The following ADCY2 variants were observed in gnomAD, a reference collection of about 807,000 sequenced individuals.
The protein encoded by ADCY2 is adenylate cyclase type 2.
Under a neutral mutation model 125.2 loss-of-function variants are expected in ADCY2, and 31 were observed. The ratio of observed to expected loss-of-function variants is 0.25; its 90% CI spans 0.19 to 0.33. The LOEUF (loss-of-function observed/expected upper bound fraction) is 0.33, where lower values mean the gene tolerates loss of function less well. Among genes scored for constraint, ADCY2 ranks in the 10% least tolerant of loss-of-function variants. The probability of loss-of-function intolerance (pLI) is 1.00; values close to 1 mark genes in which losing one functional copy is unlikely to be tolerated. For missense variants in ADCY2, 904 were observed against 1,418.2 expected (o/e 0.64, Z 5.82); for synonymous variants, 512 against 548.4 (o/e 0.93, Z 0.93).
intron 2 of ADCY2, among the ~76,000 whole-genome samples, chr5:7,482,791 TACACACACACATAC>T (rs1742786414): frequency 4.3e-5 from 6 of 139,792 alleles, no homozygotes; most frequent in South Asian, 2.2e-4. Flanking sequence ...TATATATATA[TACACACACACATAC>T]ATATATACAT....
At chr5:7,504,973 G>A (rs1424653315) in intron 2 of ADCY2, among the ~76,000 whole-genome samples, 1 of 152,084 alleles carries the variant, frequency 6.6e-6, no homozygotes, top group African/African-American at 2.4e-5. Flanking sequence ...AGCCTCCCAG[G>A]CACAAGTGAT....
intron 2 of ADCY2, among the ~76,000 whole-genome samples, chr5:7,420,330 A>T (rs192649576): frequency 4.3e-4 from 65 of 152,200 alleles, no homozygotes; most frequent in Non-Finnish European, 6.9e-4. Context: ...ACGACTGAAG[A>T]GTGATGTTGG....
chr5:7,626,777 A>G (rs1039314007), intron 4 of ADCY2, among the ~76,000 whole-genome samples: 67 of 152,186 alleles, frequency 4.4e-4, no homozygotes, highest in Admixed American at 6.5e-5. Context: ...TGTGTCCATG[A>G]GGGATCCACC....
At position 7,424,164 on chromosome 5, in the gene ADCY2, C is replaced by T. The variant is rs117130427; in HGVS notation, c.408+9394C>T. Among the ~76,000 whole-genome samples, 14 of 152,338 alleles carry T rather than the reference C, an allele frequency of 9.2e-5. No individual in the cohort carries two copies. The East Asian group carries it at 2.3e-3, about 25-fold the overall frequency. ...CACCACACACGTAGTGATCACATCG[C>T]AAAAATTGTGGGAACAAATGAGTGT... On this transcript the variant is annotated intron_variant, in intron 2 of 24. Coordinates refer to ENST00000338316, the MANE Select transcript of ADCY2 (RefSeq NM_020546.3).
chr5:7,818,614 C>T (rs1160300792), intron 23 of ADCY2, among the ~76,000 whole-genome samples: 1 of 152,114 alleles, frequency 6.6e-6, no homozygotes, highest in Non-Finnish European at 1.5e-5. Context: ...CCAGGCTGGT[C>T]TCTCACTCCT....
chr5:7,522,141 A>C (rs1579532570), intron 3 of ADCY2, among the ~76,000 whole-genome samples: 1 of 152,176 alleles, frequency 6.6e-6, no homozygotes, highest in Non-Finnish European at 1.5e-5. Context: ...TGTTTATTTT[A>C]TAATATTTAA....
In ADCY2 at chr5:7,693,428, T is replaced by G. The variant is rs1740784189; in HGVS notation, c.870-2324T>G. Among the ~76,000 whole-genome samples the G allele has an allele frequency of 1.4e-5, 2 of 140,060 alleles. 1 individual carries two copies. The highest frequency in any genetic ancestry group is 5.1e-5 in the African/African-American group (2 of 38,860). The allele number at this position is 140,060 out of a possible 152,430, so 91.9% of individuals were successfully genotyped here. A position where few individuals can be genotyped will look rare whatever the true frequency, so the allele number is the denominator to read the frequency against. On this transcript the variant is annotated intron_variant, in intron 5 of 24. Transcript: ENST00000338316. ...GCTGTTTTTTGTTTTTTTTTTTTTT[T>G]TTTTTTTTGAGACGGAGTCTCACTC...
rs540481459 is a variant in ADCY2, at chr5:7,573,468, C to T, written c.570+52569C>T. ...ATGCATGGTTCTAGAAAGATAGACACGGGGAAAAGATGTGTATGTGACTAC... is the reference window on the plus strand; with the variant it reads ...ATGCATGGTTCTAGAAAGATAGACATGGGGAAAAGATGTGTATGTGACTAC... On this transcript the variant is annotated intron_variant, in intron 3 of 24. Transcript: ENST00000338316. 2.4e-4 allele frequency among the ~76,000 whole-genome samples: 37 copies of T among 151,628 alleles called. No individual in the cohort carries two copies. The South Asian group carries it at 3.5e-3, about 15-fold the overall frequency.
chr5:7,484,325 A>G (rs1742845830), intron 2 of ADCY2, among the ~76,000 whole-genome samples: 1 of 152,194 alleles, frequency 6.6e-6, no homozygotes, highest in Non-Finnish European at 1.5e-5. Flanking sequence ...AAATAATCCA[A>G]TTTGCAGGAC....
chr5:7,815,110 C>T (rs1017146785), intron 22 of ADCY2, among the ~76,000 whole-genome samples: 5 of 152,166 alleles, frequency 3.3e-5, no homozygotes, highest in East Asian at 1.9e-4. Flanking sequence ...TTTGACCTTC[C>T]GCCAAAGCCT....
chr5:7,683,870 C>A (rs2892609), intron 4 of ADCY2, among the ~76,000 whole-genome samples: 67,364 of 151,992 alleles, frequency 0.44, 15,644 homozygotes, highest in East Asian at 0.83. Context: ...TTTCCTTCTT[C>A]TTCTTATCTC....
At chr5:7,690,911 A>C in intron 5 of ADCY2, 72 bp downstream of exon 5, 98 of 1,402,804 alleles carry the variant, frequency 7.0e-5, no homozygotes, top group Non-Finnish European at 8.9e-5. Context: ...CTGGGATCTC[A>C]CACCTCATAT....
chr5:7,765,904 G>A (rs1743360374), intron 16 of ADCY2, among the ~76,000 whole-genome samples: 1 of 152,120 alleles, frequency 6.6e-6, no homozygotes, highest in Non-Finnish European at 1.5e-5. Flanking sequence ...TATTTAGTCT[G>A]TGTGCAGCTT....
chr5:7,510,805 G>C (rs745601199), intron 2 of ADCY2, among the ~76,000 whole-genome samples: 12 of 152,182 alleles, frequency 7.9e-5, no homozygotes, highest in Non-Finnish European at 1.3e-4. Context: ...TTGTTCTAAG[G>C]TGGTTTTACT....
intron 4 of ADCY2, among the ~76,000 whole-genome samples, chr5:7,654,773 G>A (rs1739262320): frequency 6.6e-6 from 1 of 152,182 alleles, no homozygotes; most frequent in African/African-American, 2.4e-5. Flanking sequence ...CACTGAAAAT[G>A]CGAATGCCCA....
chr5:7,792,217 CAAAAAAAAA>C (rs57224712), intron 20 of ADCY2, among the ~76,000 whole-genome samples: 17 of 99,444 alleles, frequency 1.7e-4, no homozygotes, highest in African/African-American at 6.9e-4. Context: ...ACTAAAAATA[CAAAAAAAAA>C]AAAAAAAAAA....
intron 24 of ADCY2, 100 bp downstream of exon 24, chr5:7,820,789 GA>G: frequency 7.4e-7 from 1 of 1,350,234 alleles, no homozygotes; most frequent in Non-Finnish European, 9.6e-7. Context: ...TAAAACAAAG[GA>G]AAAAAGTAAA....
At position 7,520,907 on chromosome 5, in the gene ADCY2, C is replaced by T. The variant is rs1744422968; in HGVS notation, c.570+8C>T. On this transcript the variant is annotated splice_region_variant and intron_variant, in intron 3 of 24. Coordinates refer to ENST00000338316, the MANE Select transcript of ADCY2 (RefSeq NM_020546.3). Reference sequence around the variant, plus strand: ...GAGCACCTGGTCTGGCAGGTGGGTGCACCTCCACATCCATGGAGAATGACT... The same window carrying T: ...GAGCACCTGGTCTGGCAGGTGGGTGTACCTCCACATCCATGGAGAATGACT... The T allele has an allele frequency of 2.5e-6, 4 of 1,613,520 alleles. No homozygotes were observed. Among genetic ancestry groups the T allele is most frequent in the Admixed American group, 3.3e-5 (2 of 59,988 alleles).
chr5:7,575,371 AT>A (rs1354166098), intron 3 of ADCY2, among the ~76,000 whole-genome samples: 1 of 152,120 alleles, frequency 6.6e-6, no homozygotes, highest in Non-Finnish European at 1.5e-5. Flanking sequence ...CTCAATTTTA[AT>A]TTATTTAAAT....
Sources: allele counts gnomAD v4.1 joint callset (sites outside exome capture counted in the v4.1 genomes callset), GRCh38; gene constraint gnomAD v4.1.1; transcripts MANE v1.5; gene names NCBI Gene and HGNC (gene_info 2026-07-23, HGNC 2026-07-21).